Variants in INTS15 observed in about 807,000 individuals in gnomAD.
INTS15 encodes the protein uncharacterized protein C7orf26.
chr7:6,597,524 A>T, the INTS15 span, among the ~76,000 whole-genome samples: 1 of 152,000 alleles, frequency 6.6e-6, no homozygotes, highest in African/African-American at 2.4e-5. Flanking sequence ...CAAACTCCTG[A>T]CTTTAAGTGA....
At chr7:6,608,537 C>T in the INTS15 span, 1 of 1,120,390 alleles carries the variant, frequency 8.9e-7, no homozygotes, top group Non-Finnish European at 1.1e-6. Context: ...TGTGTCCCCG[C>T]CAGAAAAAGT....
the INTS15 span, chr7:6,591,664 G>C: frequency 2.5e-6 from 4 of 1,613,996 alleles, no homozygotes; most frequent in African/African-American, 5.3e-5. Context: ...TTCCCTTCAG[G>C]AGCTTCAACT....
the INTS15 span, among the ~76,000 whole-genome samples, chr7:6,593,212 CTT>C: frequency 1.3e-5 from 2 of 152,078 alleles, no homozygotes; most frequent in African/African-American, 2.4e-5. Context: ...CTACTCACCT[CTT>C]TCCTTCTAGT....
chr7:6,607,328 G>T, the INTS15 span, among the ~76,000 whole-genome samples: 5 of 151,682 alleles, frequency 3.3e-5, no homozygotes, highest in African/African-American at 1.2e-4. This position sits in a 1 kb window ranked among gnomAD's most constrained non-coding sequence, Gnocchi z 6.0. Flanking sequence ...GTGGGAGCGC[G>T]GTGGCGGATG....
At chr7:6,591,908 A>G in the INTS15 span, 4 of 1,579,326 alleles carry the variant, frequency 2.5e-6, no homozygotes, top group East Asian at 2.3e-5. Flanking sequence ...GCGGTGGCTC[A>G]TGCCTGTAAT....
At chr7:6,596,496 A>G in the INTS15 span, among the ~76,000 whole-genome samples, 1 of 140,906 alleles carries the variant, frequency 7.1e-6, no homozygotes, top group Admixed American at 7.7e-5. Context: ...CTCTTTCCTC[A>G]GCCTCCCGAG....
the INTS15 span, among the ~76,000 whole-genome samples, chr7:6,601,410 C>T: frequency 6.6e-6 from 1 of 151,804 alleles, no homozygotes; most frequent in Admixed American, 6.6e-5. Flanking sequence ...ATTCTACCGC[C>T]TCAGCCTCCC....
At chr7:6,600,092 G>C in the INTS15 span, 1 of 1,614,244 alleles carries the variant, frequency 6.2e-7, no homozygotes, top group East Asian at 2.2e-5. Context: ...GATGGACAGA[G>C]ACTCCCACCT....
the INTS15 span, chr7:6,608,264 G>C: frequency 6.8e-6 from 10 of 1,477,520 alleles, no homozygotes; most frequent in South Asian, 1.3e-4. Context: ...GGGTCGGGCA[G>C]CCCCTCCCCG....
the INTS15 span, chr7:6,607,537 G>C: frequency 7.6e-7 from 1 of 1,317,254 alleles, no homozygotes; most frequent in South Asian, 1.2e-5. This position sits in a 1 kb window ranked among gnomAD's most constrained non-coding sequence, Gnocchi z 6.0. Flanking sequence ...TGAATTTCAG[G>C]ACTCTGAATT....
At chr7:6,607,912 G>A in the INTS15 span, 2,944 of 1,592,508 alleles carry the variant, frequency 1.8e-3, 20 homozygotes, top group South Asian at 0.017. The surrounding 1 kb of genome is among the most constrained non-coding windows in gnomAD (Gnocchi z 6.0). Context: ...GCGCACCTGC[G>A]GAGTCCCCGG....
chr7:6,600,645 A>C, the INTS15 span, among the ~76,000 whole-genome samples: 2 of 151,304 alleles, frequency 1.3e-5, no homozygotes, highest in African/African-American at 2.4e-5. Flanking sequence ...TTTCTTTTTT[A>C]TTTTATCTTA....
the INTS15 span, among the ~76,000 whole-genome samples, chr7:6,606,866 C>T: frequency 6.6e-6 from 1 of 152,048 alleles, no homozygotes; most frequent in Non-Finnish European, 1.5e-5. Context: ...CCACCACGCC[C>T]AGCTAATTTT....
chr7:6,608,426 G>C, the INTS15 span: 13 of 1,354,832 alleles, frequency 9.6e-6, no homozygotes, highest in Non-Finnish European at 1.2e-5. Flanking sequence ...GGGAGCCTCT[G>C]TTCTCTGCGC....
At chr7:6,591,416 G>A in the INTS15 span, among the ~76,000 whole-genome samples, 6 of 149,752 alleles carry the variant, frequency 4.0e-5, no homozygotes, top group Non-Finnish European at 8.8e-5. Context: ...ACAGGTGCGC[G>A]CCACCATGCC....
the INTS15 span, among the ~76,000 whole-genome samples, chr7:6,595,822 G>A: frequency 6.6e-6 from 1 of 152,168 alleles, no homozygotes; most frequent in Non-Finnish European, 1.5e-5. Flanking sequence ...TGCTGGGACT[G>A]TAGGCACACA....
the INTS15 span, chr7:6,607,706 G>C: frequency 6.6e-7 from 1 of 1,521,352 alleles, no homozygotes; most frequent in Non-Finnish European, 8.8e-7. This position sits in a 1 kb window ranked among gnomAD's most constrained non-coding sequence, Gnocchi z 6.0. Flanking sequence ...TGTGTGGGCT[G>C]CGCGCCCGGG....
chr7:6,607,476 G>T, the INTS15 span: 2 of 1,251,062 alleles, frequency 1.6e-6, no homozygotes, highest in Admixed American at 2.3e-5. This position sits in a 1 kb window ranked among gnomAD's most constrained non-coding sequence, Gnocchi z 6.0. Context: ...GGTCTGTAAC[G>T]GCTGGGTCCA....
At chr7:6,608,585 G>C in the INTS15 span, 10 of 1,023,938 alleles carry the variant, frequency 9.8e-6, no homozygotes, top group Non-Finnish European at 1.2e-5. Context: ...AGCCCAGGCT[G>C]CGTAGTGACC....
Sources: gnomAD v4.1 joint callset for allele counts (sites outside exome capture counted in the v4.1 genomes callset) on GRCh38, gnomAD v4.1.1 for gene constraint, Gnocchi (gnomAD v3.1) non-coding constraint, MANE v1.5 for transcripts, NCBI Gene and HGNC (gene_info 2026-07-23, HGNC 2026-07-21) for gene names.